The following ARHGAP15 variants were observed in gnomAD, a reference collection of about 807,000 sequenced individuals.
ARHGAP15 encodes the protein rho GTPase-activating protein 15.
In ARHGAP15, 51 loss-of-function variants were observed where a neutral mutation model predicts 63.7. The observed-to-expected ratio is 0.80, with a 90% CI of 0.64 to 1.01. The LOEUF (loss-of-function observed/expected upper bound fraction) is 1.01, where lower values mean the gene tolerates loss of function less well. ARHGAP15 is among the 50% of genes least tolerant of loss of function. The pLI, the probability that ARHGAP15 is intolerant of heterozygous loss-of-function variation, is 0.00. For synonymous variants in ARHGAP15, 191 were observed against 193.8 expected (o/e 0.99, Z 0.12); for missense variants, 560 against 564.6 (o/e 0.99, Z 0.08).
intron 2 of ARHGAP15, among the ~76,000 whole-genome samples, chr2:143,166,060 AG>A (rs1399174623): frequency 1.2e-4 from 18 of 151,958 alleles, no homozygotes; most frequent in Admixed American, 8.5e-4. Context: ...AAAGAAAGAA[AG>A]AAAAAAAATA....
intron 13 of ARHGAP15, among the ~76,000 whole-genome samples, chr2:143,712,662 A>T (rs1228100795): frequency 1.3e-5 from 2 of 152,210 alleles, no homozygotes; most frequent in Admixed American, 1.3e-4. Flanking sequence ...TAGAAAAAAC[A>T]TTTGGCAAGA....
At chr2:143,654,809 T>G (rs1681351159) in intron 12 of ARHGAP15, among the ~76,000 whole-genome samples, 1 of 152,210 alleles carries the variant, frequency 6.6e-6, no homozygotes, top group Non-Finnish European at 1.5e-5. Flanking sequence ...ATATGGAAAT[T>G]AATTATAAAG....
chr2:143,717,350 T>A (rs1308340897), intron 13 of ARHGAP15, among the ~76,000 whole-genome samples: 1 of 152,196 alleles, frequency 6.6e-6, no homozygotes, highest in Admixed American at 6.5e-5. Flanking sequence ...TTCCTTTCAG[T>A]TCACCTTTAA....
intron 11 of ARHGAP15, among the ~76,000 whole-genome samples, chr2:143,558,618 G>A (rs1695902919): frequency 6.6e-6 from 1 of 152,128 alleles, no homozygotes; most frequent in Non-Finnish European, 1.5e-5. Context: ...TCTCTAAAAA[G>A]GTAGGACTTG....
At chr2:143,574,158 A>T (rs183762665) in intron 11 of ARHGAP15, among the ~76,000 whole-genome samples, 1 of 152,144 alleles carries the variant, frequency 6.6e-6, no homozygotes, top group South Asian at 2.1e-4. Flanking sequence ...CTCTGCAGCC[A>T]CACTGACACT....
At chr2:143,249,567 A>G (rs924445789) in intron 5 of ARHGAP15, among the ~76,000 whole-genome samples, 2 of 152,184 alleles carry the variant, frequency 1.3e-5, no homozygotes, top group Non-Finnish European at 2.9e-5. Flanking sequence ...TGGAATCTAC[A>G]GAGAAACCTA....
intron 2 of ARHGAP15, among the ~76,000 whole-genome samples, chr2:143,183,479 C>A (rs1558799358): frequency 6.6e-6 from 1 of 152,014 alleles, no homozygotes; most frequent in South Asian, 2.1e-4. Context: ...TCAGTGGGCA[C>A]CATCAGAGGC....
intron 12 of ARHGAP15, among the ~76,000 whole-genome samples, chr2:143,660,853 T>C (rs1319109332): frequency 6.6e-6 from 1 of 152,250 alleles, no homozygotes; most frequent in African/African-American, 2.4e-5. Context: ...TCCCACGTTC[T>C]ATTAGTTTTC....
chr2:143,711,580 G>T (rs991275805), intron 13 of ARHGAP15, among the ~76,000 whole-genome samples: 2 of 152,162 alleles, frequency 1.3e-5, no homozygotes, highest in Non-Finnish European at 2.9e-5. Flanking sequence ...AGCCTCTAAC[G>T]TTGTAAACAA....
chr2:143,597,609 T>C (rs1697573513), intron 11 of ARHGAP15, among the ~76,000 whole-genome samples: 1 of 152,140 alleles, frequency 6.6e-6, no homozygotes, highest in Non-Finnish European at 1.5e-5. Flanking sequence ...TATTTAACTT[T>C]TAAAAATGTC....
intron 12 of ARHGAP15, among the ~76,000 whole-genome samples, chr2:143,673,270 C>T (rs1355671260): frequency 1.3e-5 from 2 of 152,012 alleles, no homozygotes; most frequent in East Asian, 3.9e-4. Flanking sequence ...AAGAAGTACG[C>T]AGAGACACAG....
At position 143,240,468 on chromosome 2, in the gene ARHGAP15, T is replaced by A. The variant is rs545285067; in HGVS notation, c.385-10043T>A. 2.0e-5 allele frequency among the ~76,000 whole-genome samples: 3 copies of A among 152,266 alleles called. No homozygotes were observed. In the South Asian group the frequency reaches 6.2e-4, roughly 32 times the overall value. On this transcript the variant is annotated intron_variant, in intron 5 of 13. Transcript: ENST00000295095. ...TGATTTTATCTTTGTAGAGTGAGTA[T>A]TGAGCCCTTATTCAGACCCCTGCTT...
At chr2:143,351,503 A>T (rs921172898) in intron 6 of ARHGAP15, 10 of 152,226 alleles carry the variant, frequency 6.6e-5, no homozygotes, top group Non-Finnish European at 1.2e-4. Context: ...AAATGCTTCA[A>T]TGGACAAAGT....
At chr2:143,616,127 C>T (rs556521103) in intron 11 of ARHGAP15, among the ~76,000 whole-genome samples, 1 of 152,034 alleles carries the variant, frequency 6.6e-6, no homozygotes, top group Non-Finnish European at 1.5e-5. Context: ...ATCTAAAAGC[C>T]TGGAGAGCAG....
rs80258659 is a variant in ARHGAP15, at chr2:143,248,288, T to C, written c.385-2223T>C. 5.1e-4 allele frequency among the ~76,000 whole-genome samples: 77 copies of C among 152,212 alleles called. 2 individuals are homozygous for C. The East Asian group carries it at 0.011, about 21-fold the overall frequency. On this transcript the variant is annotated intron_variant, in intron 5 of 13. Transcript: ENST00000295095. Reference sequence around the variant, plus strand: ...TAAGAAGGAGCCAGCCGTGTGAAGATTGGGAGGTATTCCAGGTAAACAGGT... The same window carrying C: ...TAAGAAGGAGCCAGCCGTGTGAAGACTGGGAGGTATTCCAGGTAAACAGGT...
At chr2:143,691,025 G>T (rs529149765) in intron 12 of ARHGAP15, among the ~76,000 whole-genome samples, 201 of 152,214 alleles carry the variant, frequency 1.3e-3, no homozygotes, top group Middle Eastern at 6.8e-3. Context: ...AAATGTTGAG[G>T]TTAGGACAGC....
intron 2 of ARHGAP15, among the ~76,000 whole-genome samples, chr2:143,198,296 A>C (rs912190883): frequency 1.3e-5 from 2 of 151,972 alleles, no homozygotes; most frequent in Non-Finnish European, 2.9e-5. Flanking sequence ...TCTTATTTGT[A>C]CCATGGACTC....
chr2:143,546,278 T>G (rs986509881), intron 10 of ARHGAP15, among the ~76,000 whole-genome samples: 1 of 152,174 alleles, frequency 6.6e-6, no homozygotes, highest in African/African-American at 2.4e-5. Flanking sequence ...AAAAGAATGA[T>G]GGCAAATATA....
At chr2:143,720,810 C>T (rs1157338034) in intron 13 of ARHGAP15, among the ~76,000 whole-genome samples, 2 of 152,164 alleles carry the variant, frequency 1.3e-5, no homozygotes, top group East Asian at 3.9e-4. Context: ...TGGCTCACGC[C>T]TGTAATCCCA....
Sources: gnomAD v4.1 joint callset for allele counts (sites outside exome capture counted in the v4.1 genomes callset) on GRCh38, gnomAD v4.1.1 for gene constraint, MANE v1.5 for transcripts, NCBI Gene and HGNC (gene_info 2026-07-23, HGNC 2026-07-21) for gene names.